The following ANK3 variants were observed in gnomAD, a reference collection of about 807,000 sequenced individuals.
The protein encoded by ANK3 is ankyrin 3.
Under a neutral mutation model 370.9 loss-of-function variants are expected in ANK3, and 57 were observed. That is an observed-to-expected ratio of 0.15 (90% CI 0.12 to 0.19). ANK3 has a LOEUF of 0.19. Ranked by LOEUF, ANK3 falls within the 10% of genes least tolerant of loss-of-function variation. The pLI is 1.00. For missense variants in ANK3, 4,439 were observed against 5,302.1 expected, an observed-to-expected ratio of 0.84 and a Z score of 5.06; for synonymous variants, 1,929 against 1,946.3, an observed-to-expected ratio of 0.99 and a Z score of 0.23.
intron 23 of ANK3, among the ~76,000 whole-genome samples, chr10:60,156,384 C>A (rs1403571883): frequency 6.6e-6 from 1 of 152,168 alleles, no homozygotes; most frequent in Non-Finnish European, 1.5e-5. Context: ...TGGGACAAAC[C>A]CCGTTCTGCT....
chr10:60,549,770 A>G (rs2077048836), intron 2 of ANK3, among the ~76,000 whole-genome samples: 1 of 152,186 alleles, frequency 6.6e-6, no homozygotes, highest in Non-Finnish European at 1.5e-5. Context: ...ATGAAAGAGG[A>G]GATCCAAAGC....
At chr10:60,108,146 A>G in intron 27 of ANK3, 1 of 406,768 alleles carries the variant, frequency 2.5e-6, no homozygotes, top group Non-Finnish European at 4.8e-6. Flanking sequence ...ATGGAAAAAA[A>G]AAAATTGTAG....
At chr10:60,524,488 T>C (rs1049831233) in intron 2 of ANK3, among the ~76,000 whole-genome samples, 1 of 152,052 alleles carries the variant, frequency 6.6e-6, no homozygotes, top group African/African-American at 2.4e-5. Flanking sequence ...ATGAATCTCA[T>C]GAGATCTGAT....
intron 4 of ANK3, among the ~76,000 whole-genome samples, chr10:60,270,447 G>C (rs1337016660): frequency 6.6e-6 from 1 of 152,118 alleles, no homozygotes; most frequent in Non-Finnish European, 1.5e-5. Flanking sequence ...TTCATAATTT[G>C]AGTATAGCTC....
intron 1 of ANK3, among the ~76,000 whole-genome samples, chr10:60,640,389 A>G (rs978140988): frequency 4.1e-5 from 6 of 147,562 alleles, no homozygotes; most frequent in East Asian, 2.0e-4. Context: ...AAAATCCTCA[A>G]TAAAATACTG....
intron 16 of ANK3, among the ~76,000 whole-genome samples, chr10:60,193,419 G>A (rs2096529473): frequency 6.6e-6 from 1 of 152,178 alleles, no homozygotes; most frequent in Admixed American, 6.5e-5. Context: ...CATTTTGGGA[G>A]GCCAAGGAGG....
chr10:60,104,357 C>CAAAAAAAA (rs747064489), intron 28 of ANK3, among the ~76,000 whole-genome samples: 7 of 53,754 alleles, frequency 1.3e-4, no homozygotes, highest in African/African-American at 2.0e-4. Context: ...GACTCCATCT[C>CAAAAAAAA]AAAAAAAAAA....
intron 8 of ANK3, among the ~76,000 whole-genome samples, chr10:60,220,027 C>T (rs2097016053): frequency 6.6e-6 from 1 of 151,428 alleles, no homozygotes; most frequent in African/African-American, 2.5e-5. Context: ...CAAGTGAAAA[C>T]AGCATTTTAC....
chr10:60,082,053 A>T (rs372182539), intron 35 of ANK3, 97 bp downstream of exon 35: 1 of 909,554 alleles, frequency 1.1e-6, no homozygotes, highest in South Asian at 1.7e-5. Flanking sequence ...AATATAATTT[A>T]TATGTTTCCC....
At chr10:60,537,338 A>T (rs1040123722) in intron 2 of ANK3, among the ~76,000 whole-genome samples, 8 of 152,130 alleles carry the variant, frequency 5.3e-5, no homozygotes, top group Non-Finnish European at 1.2e-4. Context: ...ATGCATACCT[A>T]GTTTTAGATT....
chr10:60,280,307 C>T (rs1042859028), intron 1 of ANK3, among the ~76,000 whole-genome samples: 15 of 152,166 alleles, frequency 9.9e-5, no homozygotes, highest in Non-Finnish European at 1.9e-4. Context: ...AATCCTCCCA[C>T]CTTGGCCTCC....
At chr10:60,648,638 C>T (rs1296067160) in intron 1 of ANK3, among the ~76,000 whole-genome samples, 15 of 151,030 alleles carry the variant, frequency 9.9e-5, no homozygotes, top group South Asian at 2.1e-4. Context: ...GGTGTGGTGG[C>T]GTGTGCCTGT....
chr10:60,252,842 G>A (rs144891798), intron 7 of ANK3, among the ~76,000 whole-genome samples: 48 of 152,260 alleles, frequency 3.2e-4, no homozygotes, highest in African/African-American at 8.4e-4. Context: ...CCTGACCTGC[G>A]TCATGCTTTA....
intron 1 of ANK3, among the ~76,000 whole-genome samples, chr10:60,306,955 T>C (rs2045275511): frequency 6.6e-6 from 1 of 152,152 alleles, no homozygotes; most frequent in African/African-American, 2.4e-5. Flanking sequence ...GTCTCAAACT[T>C]CTGGCCTCAA....
chr10:60,105,926 A>G lies in ANK3; in HGVS notation c.3307T>C (p.Leu1103=). The G allele has an allele frequency of 6.2e-7, 1 of 1,610,750 alleles. No individual in the cohort carries two copies. The highest frequency in any genetic ancestry group is 8.5e-7 in the Non-Finnish European group (1 of 1,178,688). Residue 1103 remains leucine, a synonymous_variant, in exon 28 of 44, where the codon TTA becomes CTA. Coordinates refer to ENST00000280772, the MANE Select transcript of ANK3 (RefSeq NM_020987.5). ...FDSKNEDLTE[L]LNGMDEELDS... ...TTACCTTCATCCATGCCATTAAGTA[A>G]CTCGGTTAAATCTTCATTTTTGCTG... is the stretch of plus-strand genomic sequence containing the variant.
chr10:60,455,987 T>C (rs982662811), intron 2 of ANK3, among the ~76,000 whole-genome samples: 3 of 152,218 alleles, frequency 2.0e-5, no homozygotes, highest in Admixed American at 1.3e-4. Context: ...GAATCTGTAT[T>C]ATAAGCACCC....
intron 1 of ANK3, among the ~76,000 whole-genome samples, chr10:60,324,280 G>A (rs1164659854): frequency 1.3e-5 from 2 of 152,188 alleles, no homozygotes; most frequent in Non-Finnish European, 2.9e-5. Context: ...AGTGCAAGTG[G>A]AAGGTGAATA....
intron 12 of ANK3, 53 bp downstream of exon 12, chr10:60,202,949 T>C: frequency 1.5e-6 from 2 of 1,301,684 alleles, no homozygotes; most frequent in South Asian, 2.6e-5. Context: ...AAACCACCTT[T>C]GCCAGTTTAT....
rs758776590 is a variant in ANK3 at position 60,198,403 on chromosome 10, C to T, written c.1626G>A (p.Glu542=). The T allele has an allele frequency of 1.9e-5, 30 of 1,614,088 alleles. No individual in the cohort carries two copies. Among genetic ancestry groups the T allele is most frequent in the Non-Finnish European group, 2.4e-5 (28 of 1,180,046 alleles). ...GYTPLHLSAR[E]GHEDVAAFLL... is the part of the protein sequence containing the mutation. ...GGAACGCGGCCACATCCTCATGCCC[C>T]TCTCGGGCGGAAAGGTGAAGTGGGG... is the stretch of plus-strand genomic sequence containing the variant. Residue 542 remains glutamate, a synonymous_variant, in exon 14 of 44, where the codon GAG becomes GAA. Coordinates refer to ENST00000280772, the MANE Select transcript of ANK3 (RefSeq NM_020987.5).
Sources: gnomAD v4.1 joint callset for allele counts (sites outside exome capture counted in the v4.1 genomes callset) on GRCh38, gnomAD v4.1.1 for gene constraint, MANE v1.5 for transcripts, NCBI Gene and HGNC (gene_info 2026-07-23, HGNC 2026-07-21) for gene names.